Variants in BRIP1 observed in about 807,000 individuals in gnomAD.
BRIP1 encodes Fanconi anemia group J protein.
Under a neutral mutation model 119.7 loss-of-function variants are expected in BRIP1, and 88 were observed. The observed-to-expected ratio is 0.74, with a 90% CI of 0.62 to 0.88. BRIP1 has a LOEUF of 0.88. Among genes scored for constraint, BRIP1 ranks in the 40% least tolerant of loss-of-function variants. BRIP1 has a pLI of 0.00. For missense variants in BRIP1, 1,259 were observed against 1,455.4 expected (o/e 0.87, Z 2.20); for synonymous variants, 443 against 496.5 (o/e 0.89, Z 1.43).
Position 61,816,160 on chromosome 17 carries a change from G to A in BRIP1, c.628-7403C>T, listed in dbSNP as rs1160560834. 2.0e-5 allele frequency among the ~76,000 whole-genome samples: 3 copies of A among 152,190 alleles called. No individual in the cohort carries two copies. The highest frequency in any genetic ancestry group is 6.5e-5 in the Admixed American group (1 of 15,268). On this transcript the variant is annotated intron_variant, in intron 6 of 19. Transcript: ENST00000259008. This position sits in a 1 kb window ranked among gnomAD's most constrained non-coding sequence, Gnocchi z 5.0. ...ATAGATCACTGCTAACCAAGCAAAC[G>A]TTTTAATTAAGCTGGAACTTGCTTC... is the stretch of plus-strand genomic sequence containing the variant.
chr17:61,692,483 A>T (rs898987207), intron 18 of BRIP1, among the ~76,000 whole-genome samples: 1 of 152,138 alleles, frequency 6.6e-6, no homozygotes. Flanking sequence ...AAAAAAACAC[A>T]CCAAAAACCA....
Position 61,857,620 on chromosome 17 carries a change from A to T in BRIP1, c.206-389T>A, listed in dbSNP as rs2078916842. Among the ~76,000 whole-genome samples, 1 of 152,194 alleles carries T rather than the reference A, an allele frequency of 6.6e-6. No individual in the cohort carries two copies. Among genetic ancestry groups the T allele is most frequent in the South Asian group, 2.1e-4 (1 of 4,832 alleles). Reference sequence around the variant, plus strand: ...ACGCCTGTAATACCACCTACTCAGGAGGCTGAGGCAGGAGAATCGCTTGAA... The same window carrying T: ...ACGCCTGTAATACCACCTACTCAGGTGGCTGAGGCAGGAGAATCGCTTGAA... On this transcript the variant is annotated intron_variant, in intron 3 of 19. Coordinates refer to ENST00000259008, the MANE Select transcript of BRIP1 (RefSeq NM_032043.3). The surrounding 1 kb of genome is among the most constrained non-coding windows in gnomAD (Gnocchi z 5.1).
chr17:61,830,883 C>T (rs947395336), intron 6 of BRIP1, among the ~76,000 whole-genome samples: 1 of 152,076 alleles, frequency 6.6e-6, no homozygotes, highest in Admixed American at 6.5e-5. Context: ...CAAAATTTAG[C>T]AAGTCAAATC....
rs1214345824 is a variant in BRIP1 at position 61,845,485 on chromosome 17, A to G, written c.627+1616T>C. Reference sequence around the variant, plus strand: ...TTTCATTATATAAATATAAAAAGTCATATTCTGTAATATCACCAATTTCAT... The same window carrying G: ...TTTCATTATATAAATATAAAAAGTCGTATTCTGTAATATCACCAATTTCAT... On this transcript the variant is annotated intron_variant, in intron 6 of 19. Coordinates refer to ENST00000259008, the MANE Select transcript of BRIP1 (RefSeq NM_032043.3). This position sits in a 1 kb window ranked among gnomAD's most constrained non-coding sequence, Gnocchi z 4.2. Among the ~76,000 whole-genome samples, 1 of 152,234 alleles carries G rather than the reference A, an allele frequency of 6.6e-6. No homozygotes were observed. Among genetic ancestry groups the G allele is most frequent in the Non-Finnish European group, 1.5e-5 (1 of 68,040 alleles).
intron 17 of BRIP1, among the ~76,000 whole-genome samples, chr17:61,702,186 A>C (rs1185874167): frequency 1.3e-5 from 2 of 152,098 alleles, no homozygotes; most frequent in Middle Eastern, 3.2e-3. Context: ...GACCTTACCC[A>C]ATTTGCTGGC....
Position 61,843,078 on chromosome 17 carries a change from G to A in BRIP1, c.627+4023C>T, listed in dbSNP as rs2078680094. ...TTGTGACAACATGGATGAACCTGGA[G>A]GGAGGACATTATGCAAAGTGAAATA... is the stretch of plus-strand genomic sequence containing the variant. On this transcript the variant is annotated intron_variant, in intron 6 of 19. Transcript: ENST00000259008. The surrounding 1 kb of genome is among the most constrained non-coding windows in gnomAD (Gnocchi z 5.7). Among the ~76,000 whole-genome samples, 4 of 152,166 alleles carry A rather than the reference G, an allele frequency of 2.6e-5. No homozygotes were observed. The highest frequency in any genetic ancestry group is 1.3e-4 in the Admixed American group (2 of 15,268).
chr17:61,803,263 T>TA lies in BRIP1; in HGVS notation c.919-1790_919-1789insT, dbSNP rs149906283. Reference sequence around the variant, plus strand: ...TGCATCACCACATATGGCTCCTTTTTTGTAGAGACAGGGTTTTGTCATGTT... The same window carrying TA: ...TGCATCACCACATATGGCTCCTTTTTATGTAGAGACAGGGTTTTGTCATGTT... On this transcript the variant is annotated intron_variant, in intron 7 of 19. Coordinates refer to ENST00000259008, the MANE Select transcript of BRIP1 (RefSeq NM_032043.3). The surrounding 1 kb of genome is among the most constrained non-coding windows in gnomAD (Gnocchi z 4.3). Among the ~76,000 whole-genome samples the TA allele has an allele frequency of 5.4e-4, 83 of 152,306 alleles. 1 individual carries two copies. Among genetic ancestry groups the TA allele is most frequent in the Non-Finnish European group, 9.0e-4 (61 of 68,020 alleles).
Position 61,780,356 on chromosome 17 carries a change from A to T in BRIP1, c.1840T>A (p.Ser614Thr), listed in dbSNP as rs2145079541. Residue 614 changes from serine (S) to threonine (T), a missense_variant, in exon 13 of 20, where the codon TCT (serine) becomes ACT (threonine). Ser to Thr is a moderately conservative substitution (Grantham distance 58, BLOSUM62 1). Coordinates refer to ENST00000259008, the MANE Select transcript of BRIP1 (RefSeq NM_032043.3). The surrounding 1 kb of genome is among the most constrained non-coding windows in gnomAD (Gnocchi z 5.4). The part of the protein sequence containing the change: ...NGKVQTIVLT[S>T]GTLSPMKSFS... ...GATTTCATTGGTGATAATGTACCAGATGTCAAAACAATGGTCTGAACTTTG... is the reference window on the plus strand; with the variant it reads ...GATTTCATTGGTGATAATGTACCAGTTGTCAAAACAATGGTCTGAACTTTG... 1 of 1,610,666 alleles carries T rather than the reference A, an allele frequency of 6.2e-7. No individual in the cohort carries two copies. Among genetic ancestry groups the T allele is most frequent in the Non-Finnish European group, 8.5e-7 (1 of 1,176,856 alleles).
intron 16 of BRIP1, among the ~76,000 whole-genome samples, chr17:61,737,795 A>G (rs894658787): frequency 2.0e-5 from 3 of 152,202 alleles, no homozygotes; most frequent in Non-Finnish European, 4.4e-5. Flanking sequence ...TAAATGGATA[A>G]CTAACAAATA....
At chr17:61,694,720 G>C (rs1256011553) in intron 17 of BRIP1, among the ~76,000 whole-genome samples, 2 of 151,710 alleles carry the variant, frequency 1.3e-5, no homozygotes, top group African/African-American at 4.8e-5. Context: ...ATCTACCCTA[G>C]AAAGTGTGAA....
At chr17:61,777,575 A>G (rs2077553888) in intron 13 of BRIP1, among the ~76,000 whole-genome samples, 1 of 152,148 alleles carries the variant, frequency 6.6e-6, no homozygotes, top group South Asian at 2.1e-4. Flanking sequence ...CTTGGGTTCA[A>G]TTAATTTGGT....
chr17:61,826,731 T>TAAAAAAAA (rs58466965), intron 6 of BRIP1, among the ~76,000 whole-genome samples: 26 of 75,316 alleles, frequency 3.5e-4, no homozygotes, highest in Non-Finnish European at 4.7e-4. Flanking sequence ...TATTAAAAAG[T>TAAAAAAAA]AAAAAAAAAA....
rs2061477133 is a variant in BRIP1 at position 61,693,444 on chromosome 17, C to A, written c.2561G>T (p.Ser854Ile). Residue 854 changes from serine (S) to isoleucine (I), a missense_variant, in exon 18 of 20, where the codon AGT becomes ATT. By Grantham distance (142) the Ser-to-Ile change is moderately radical (BLOSUM62 -2). Around this residue, in one of 3 missense-constraint regions of BRIP1, gnomAD observed 753 missense variants for 891.8 expected, o/e 0.84. Transcript: ENST00000259008. The surrounding 1 kb of genome is among the most constrained non-coding windows in gnomAD (Gnocchi z 4.2). ...LVDDRFRNNP[S>I]RYISGLSKWV... The stretch of plus-strand genomic sequence containing the variant: ...TGAGATCTTACCAGATATATAGCGA[C>A]TTGGGTTATTCCTAAAGCGATCATC... The A allele has an allele frequency of 6.2e-7, 1 of 1,613,262 alleles. No homozygotes were observed. The highest frequency in any genetic ancestry group is 1.3e-5 in the African/African-American group (1 of 75,006).
intron 6 of BRIP1, among the ~76,000 whole-genome samples, chr17:61,829,504 C>CAA (rs150051476): frequency 0.19 from 29,044 of 150,282 alleles, 3,198 homozygotes; most frequent in Admixed American, 0.3. Context: ...ATAAGTAGAC[C>CAA]AAAAAAAACC....
rs992400071 is a variant in BRIP1 at position 61,713,035 on chromosome 17, C to A, written c.2492+2916G>T. The stretch of plus-strand genomic sequence containing the variant: ...ATGATGTTTCAGTCAGTGTGAAGTG[C>A]ATATATGATAGTGGTCCCATAAGAT... On this transcript the variant is annotated intron_variant, in intron 17 of 19. Coordinates refer to ENST00000259008, the MANE Select transcript of BRIP1 (RefSeq NM_032043.3). This position sits in a 1 kb window ranked among gnomAD's most constrained non-coding sequence, Gnocchi z 4.9. 1.3e-5 allele frequency among the ~76,000 whole-genome samples: 2 copies of A among 152,072 alleles called. No homozygotes were observed. Among genetic ancestry groups the A allele is most frequent in the Non-Finnish European group, 2.9e-5 (2 of 68,024 alleles).
intron 2 of BRIP1, 64 bp from the exon 3 acceptor site, chr17:61,859,971 T>G: frequency 8.6e-7 from 1 of 1,164,110 alleles, no homozygotes. Context: ...TCTCTCCATC[T>G]GAAGTTTAAA....
At chr17:61,702,234 A>G (rs932460800) in intron 17 of BRIP1, among the ~76,000 whole-genome samples, 2 of 151,788 alleles carry the variant, frequency 1.3e-5, no homozygotes, top group Non-Finnish European at 1.5e-5. Context: ...TTTCAGAGGG[A>G]TATTGATCTA....
At position 61,716,080 on chromosome 17, in the gene BRIP1, A is replaced by G; in HGVS notation, c.2380-17T>C. On this transcript the variant is annotated splice_polypyrimidine_tract_variant and intron_variant, in intron 16 of 19. Transcript: ENST00000259008. ...TAGTTCAACCTAATAATTTTAAAATATATTTAAAAAATTAGTAGATAATTA... is the reference window on the plus strand; with the variant it reads ...TAGTTCAACCTAATAATTTTAAAATGTATTTAAAAAATTAGTAGATAATTA... 1 of 1,430,480 alleles carries G rather than the reference A, an allele frequency of 7.0e-7. No individual in the cohort carries two copies. Among genetic ancestry groups the G allele is most frequent in the Non-Finnish European group, 9.6e-7 (1 of 1,044,432 alleles). The allele number at this position is 1,430,480 out of a possible 1,614,324, so 88.6% of individuals were successfully genotyped here.
Position 61,793,310 on chromosome 17 carries a change from CTAAG to C in BRIP1, c.1473+283_1473+286del, listed in dbSNP as rs2077847262. Reference sequence around the variant, plus strand: ...CTAAAATTTTAACTTTTACAATTGACTAAGTAAGTCTACAACCTAAAAATATTGA... The same window carrying C: ...CTAAAATTTTAACTTTTACAATTGACTAAGTCTACAACCTAAAAATATTGA... On this transcript the variant is annotated intron_variant, in intron 10 of 19. Coordinates refer to ENST00000259008, the MANE Select transcript of BRIP1 (RefSeq NM_032043.3). This position sits in a 1 kb window ranked among gnomAD's most constrained non-coding sequence, Gnocchi z 5.2. Among the ~76,000 whole-genome samples, 2 of 151,972 alleles carry C rather than the reference CTAAG, an allele frequency of 1.3e-5. No individual in the cohort carries two copies. The highest frequency in any genetic ancestry group is 2.4e-5 in the African/African-American group (1 of 41,402).
Sources: allele counts gnomAD v4.1 joint callset (sites outside exome capture counted in the v4.1 genomes callset), GRCh38; gene constraint gnomAD v4.1.1; regional missense constraint gnomAD v4.1.1; non-coding constraint Gnocchi (gnomAD v3.1); transcripts MANE v1.5; gene names NCBI Gene and HGNC (gene_info 2026-07-23, HGNC 2026-07-21).